TMEM170B: variants seen among roughly 807,000 people sequenced by gnomAD.
The protein encoded by TMEM170B is transmembrane protein 170B.
TMEM170B carries 6 observed loss-of-function variants against 13.0 expected under a neutral mutation model. The observed-to-expected ratio is 0.46, with a 90% CI of 0.25 to 0.91. The LOEUF is 0.91. TMEM170B is among the 40% of genes least tolerant of loss of function. The pLI is 0.17. For missense variants in TMEM170B, 138 were observed against 165.2 expected (o/e 0.84, Z 0.90); for synonymous variants, 61 against 64.9 (o/e 0.94, Z 0.29).
At chr6:11,574,763 C>G (rs1379917243) in intron 2 of TMEM170B, among the ~76,000 whole-genome samples, 1 of 152,048 alleles carries the variant, frequency 6.6e-6, no homozygotes, top group Non-Finnish European at 1.5e-5. Flanking sequence ...TTCTCCCGTT[C>G]TCAGAAGTGT....
intron 2 of TMEM170B, among the ~76,000 whole-genome samples, chr6:11,568,688 A>T (rs1287497888): frequency 6.6e-6 from 1 of 152,184 alleles, no homozygotes; most frequent in African/African-American, 2.4e-5. Context: ...TTTTCTGGCT[A>T]ATTATCTGAC....
At chr6:11,539,296 GA>G (rs1007152026) in intron 1 of TMEM170B, among the ~76,000 whole-genome samples, 2 of 151,930 alleles carry the variant, frequency 1.3e-5, no homozygotes, top group Non-Finnish European at 2.9e-5. Context: ...CTTTTCAGAG[GA>G]AAAAAATCTT....
At chr6:11,570,448 T>C (rs754618096) in intron 2 of TMEM170B, among the ~76,000 whole-genome samples, 24 of 151,886 alleles carry the variant, frequency 1.6e-4, no homozygotes, top group Admixed American at 2.6e-4. Flanking sequence ...CAGAGCATAA[T>C]AGAAGAAATA....
In TMEM170B at chr6:11,567,395, T is replaced by C. The variant is rs556399521; in HGVS notation, c.268+1559T>C. Among the ~76,000 whole-genome samples the C allele has an allele frequency of 1.3e-4, 20 of 152,352 alleles. No homozygotes were observed. The South Asian group carries it at 4.1e-3, about 32-fold the overall frequency. ...TGTTTTGGGACTCTCTGACAGTTTC[T>C]TCTTCCTTTCTAGTTGATTCTTGCC... On this transcript the variant is annotated intron_variant, in intron 2 of 2. Transcript: ENST00000379426.
At chr6:11,568,037 A>G (rs1582145823) in intron 2 of TMEM170B, among the ~76,000 whole-genome samples, 2 of 152,220 alleles carry the variant, frequency 1.3e-5, no homozygotes, top group South Asian at 4.1e-4. Context: ...CCCCAAAAAT[A>G]AAACAGTACC....
At chr6:11,561,148 T>TATTCCC (rs1412962039) in intron 1 of TMEM170B, among the ~76,000 whole-genome samples, 3 of 152,248 alleles carry the variant, frequency 2.0e-5, no homozygotes, top group African/African-American at 4.8e-5. Flanking sequence ...GAAGAAGGGA[T>TATTCCC]ATTCCCTTCC....
chr6:11,541,967 A>G (rs1238276409), intron 1 of TMEM170B, among the ~76,000 whole-genome samples: 1 of 152,140 alleles, frequency 6.6e-6, no homozygotes, highest in Non-Finnish European at 1.5e-5. Context: ...AAATAGTAAC[A>G]TCAGAGATCA....
At chr6:11,554,952 T>G (rs1362330807) in intron 1 of TMEM170B, among the ~76,000 whole-genome samples, 1 of 152,132 alleles carries the variant, frequency 6.6e-6, no homozygotes, top group African/African-American at 2.4e-5. Flanking sequence ...AAAATGTCTT[T>G]TATGTTTACC....
chr6:11,542,188 T>A (rs1737685990), intron 1 of TMEM170B, among the ~76,000 whole-genome samples: 1 of 152,154 alleles, frequency 6.6e-6, no homozygotes, highest in Non-Finnish European at 1.5e-5. Context: ...AAACAAGGTA[T>A]GCCTGTAGAT....
chr6:11,539,368 T>G (rs1032815477), intron 1 of TMEM170B, among the ~76,000 whole-genome samples: 3 of 152,368 alleles, frequency 2.0e-5, no homozygotes, highest in African/African-American at 7.2e-5. Flanking sequence ...CAGTAGAACA[T>G]TAGTATTTCA....
intron 1 of TMEM170B, among the ~76,000 whole-genome samples, chr6:11,554,320 T>C (rs1234981170): frequency 1.3e-5 from 2 of 151,970 alleles, no homozygotes; most frequent in Non-Finnish European, 2.9e-5. Context: ...TTAAGATACT[T>C]GAGGGCACAC....
At position 11,575,476 on chromosome 6, in the gene TMEM170B, C is replaced by G; in HGVS notation, c.314C>G (p.Ala105Gly). Residue 105 changes from alanine (A) to glycine (G), a missense_variant, in exon 3 of 3, where the codon GCC becomes GGC. Transcript: ENST00000379426. This position sits in a 1 kb window ranked among gnomAD's most constrained non-coding sequence, Gnocchi z 4.1. ...TACAGAGTAGCTGGGAAGAACATGG[C>G]CCCTTTGGAAGCGCTGGTATGGGGC... ...GIYRVAGKNMAPLEALVWGVG... is the reference protein window; with the variant it reads ...GIYRVAGKNMGPLEALVWGVG... 6.2e-7 allele frequency: 1 copy of G among 1,613,448 alleles called. No individual in the cohort carries two copies. Among genetic ancestry groups the G allele is most frequent in the South Asian group, 1.1e-5 (1 of 91,064 alleles).
intron 2 of TMEM170B, among the ~76,000 whole-genome samples, chr6:11,568,932 A>G (rs1759766524): frequency 1.3e-5 from 2 of 152,090 alleles, no homozygotes; most frequent in Admixed American, 1.3e-4. Flanking sequence ...GTTTTTAGTT[A>G]ATACCAGAAT....
At chr6:11,551,554 C>A (rs780799477) in intron 1 of TMEM170B, among the ~76,000 whole-genome samples, 5 of 152,154 alleles carry the variant, frequency 3.3e-5, no homozygotes, top group Non-Finnish European at 7.3e-5. Flanking sequence ...TATGTAAAAT[C>A]ATGTTTAAAT....
chr6:11,554,803 T>C (rs1259607642), intron 1 of TMEM170B, among the ~76,000 whole-genome samples: 1 of 152,092 alleles, frequency 6.6e-6, no homozygotes, highest in Non-Finnish European at 1.5e-5. Flanking sequence ...ATGTTTCTGC[T>C]CTCTCTTAAG....
chr6:11,541,774 G>C (rs1328816030), intron 1 of TMEM170B, among the ~76,000 whole-genome samples: 1 of 152,156 alleles, frequency 6.6e-6, no homozygotes, highest in African/African-American at 2.4e-5. Flanking sequence ...TTTAAAGTGA[G>C]ATATCTGACT....
In TMEM170B at chr6:11,538,388, C is replaced by T; in HGVS notation, c.97+14C>T. On this transcript the variant is annotated intron_variant, in intron 1 of 2. Coordinates refer to ENST00000379426, the MANE Select transcript of TMEM170B (RefSeq NM_001100829.3). ...GGAACCTCACGGGTAATTGACGCGC[C>T]TGGGCTGGGGACGGGGATGCGGTCC... 6.7e-7 allele frequency: 1 copy of T among 1,500,166 alleles called. No homozygotes were observed. The highest frequency in any genetic ancestry group is 8.9e-7 in the Non-Finnish European group (1 of 1,125,598). 92.9% of individuals were successfully genotyped at this position (1,500,166 alleles called of 1,614,324 possible).
At chr6:11,571,134 C>T (rs1294255753) in intron 2 of TMEM170B, among the ~76,000 whole-genome samples, 6 of 149,174 alleles carry the variant, frequency 4.0e-5, no homozygotes, top group Non-Finnish European at 7.4e-5. Context: ...CCACCCATAG[C>T]TCTTTGTGCC....
chr6:11,559,255 A>G (rs1051848651), intron 1 of TMEM170B, among the ~76,000 whole-genome samples: 5 of 148,970 alleles, frequency 3.4e-5, no homozygotes, highest in Non-Finnish European at 7.4e-5. Context: ...GTGTGGTAGC[A>G]TGATCATGGG....
Sources: allele counts gnomAD v4.1 joint callset (sites outside exome capture counted in the v4.1 genomes callset), GRCh38; gene constraint gnomAD v4.1.1; non-coding constraint Gnocchi (gnomAD v3.1); transcripts MANE v1.5; gene names NCBI Gene and HGNC (gene_info 2026-07-23, HGNC 2026-07-21).